CEP41: variants seen among roughly 807,000 people sequenced by gnomAD.
The protein encoded by CEP41 is centrosomal protein of 41 kDa.
CEP41 carries 32 observed loss-of-function variants against 44.3 expected under a neutral mutation model. The observed-to-expected ratio is 0.72, with a 90% confidence interval of 0.54 to 0.97. CEP41 has a LOEUF of 0.97. Among genes scored for constraint, CEP41 ranks in the 50% least tolerant of loss-of-function variants. The probability of loss-of-function intolerance (pLI) is 0.00; values close to 1 mark genes in which losing one functional copy is unlikely to be tolerated. For missense variants in CEP41, 432 were observed against 455.2 expected, an observed-to-expected ratio of 0.95 and a Z score of 0.46; for synonymous variants, 151 against 168.5, an observed-to-expected ratio of 0.90 and a Z score of 0.80.
At chr7:130,440,004 G>A (rs2117732756) in intron 1 of CEP41, among the ~76,000 whole-genome samples, 1 of 152,184 alleles carries the variant, frequency 6.6e-6, no homozygotes, top group South Asian at 2.1e-4. Context: ...TCCTTCACTA[G>A]ACGCAATTTA....
At chr7:130,414,600 T>A (rs1554420489) in intron 3 of CEP41, among the ~76,000 whole-genome samples, 1 of 152,254 alleles carries the variant, frequency 6.6e-6, no homozygotes. Flanking sequence ...AAGACTGCTT[T>A]ATTCTAAAGA....
At position 130,402,645 on chromosome 7, in the gene CEP41, T is replaced by C. The variant is rs781913642; in HGVS notation, c.574+3A>G. 1.2e-6 allele frequency: 2 copies of C among 1,614,084 alleles called. No individual in the cohort carries two copies. Among genetic ancestry groups the C allele is most frequent in the Admixed American group, 3.3e-5 (2 of 60,020 alleles). On this transcript the variant is annotated splice_donor_region_variant and intron_variant, in intron 7 of 10. Transcript: ENST00000223208. ...AGGCACTTTAAAGCCTTCTCTCTCT[T>C]ACCTCCAACAATGTGGCACTGCTGG...
intron 1 of CEP41, among the ~76,000 whole-genome samples, chr7:130,431,738 A>G (rs73152886): frequency 0.021 from 3,167 of 152,210 alleles, 39 homozygotes; most frequent in Non-Finnish European, 0.031. Context: ...GTTTTCAGCA[A>G]TCTAACAGTA....
upstream of CEP41, chr7:130,441,082 C>T (rs782662733): frequency 7.4e-6 from 9 of 1,216,126 alleles, no homozygotes; most frequent in Admixed American, 5.5e-5. Flanking sequence ...TCCGATTGGC[C>T]CGTCTTCCCC....
intron 4 of CEP41, among the ~76,000 whole-genome samples, chr7:130,411,834 T>G (rs537213206): frequency 6.6e-6 from 1 of 152,324 alleles, no homozygotes; most frequent in African/African-American, 2.4e-5. Flanking sequence ...GGGAAATCAC[T>G]TGGTTTCCAG....
intron 7 of CEP41, among the ~76,000 whole-genome samples, 179 bp downstream of exon 7, chr7:130,402,469 T>G (rs554819890): frequency 6.6e-6 from 1 of 151,738 alleles, no homozygotes; most frequent in Admixed American, 6.6e-5. Context: ...TCTGTGAAAA[T>G]CAGCAGCCTC....
chr7:130,398,744 T>C lies in CEP41; in HGVS notation c.*147A>G, dbSNP rs782775605. Reference sequence around the variant, plus strand: ...GGTGGCCTCCTGAGGGGAGAGGAACTGGAGACAGGGACAGGGAAGAGGCCT... The same window carrying C: ...GGTGGCCTCCTGAGGGGAGAGGAACCGGAGACAGGGACAGGGAAGAGGCCT... On this transcript the variant is annotated 3_prime_UTR_variant, in exon 11 of 11. Coordinates refer to ENST00000223208, the MANE Select transcript of CEP41 (RefSeq NM_018718.3). 1 of 990,808 alleles carries C rather than the reference T, an allele frequency of 1.0e-6. No individual in the cohort carries two copies. Among genetic ancestry groups the C allele is most frequent in the South Asian group, 1.3e-5 (1 of 78,186 alleles). 61.4% of individuals were successfully genotyped at this position (990,808 alleles called of 1,614,324 possible).
intron 5 of CEP41, among the ~76,000 whole-genome samples, chr7:130,406,992 A>G (rs1168670636): frequency 3.3e-5 from 5 of 151,724 alleles, no homozygotes; most frequent in African/African-American, 1.2e-4. Context: ...TAAAAAATAT[A>G]TATATATACT....
At chr7:130,421,894 AAG>A (rs1313705997) in intron 2 of CEP41, 25 of 1,527,948 alleles carry the variant, frequency 1.6e-5, no homozygotes, top group African/African-American at 6.9e-5. Flanking sequence ...GAGAATATAC[AAG>A]AACCCTGCGG....
At chr7:130,441,565 C>G (rs1473599636), upstream of CEP41, among the ~76,000 whole-genome samples, 3 of 152,214 alleles carry the variant, frequency 2.0e-5, no homozygotes, top group African/African-American at 7.2e-5. Context: ...GCTTTAAAAG[C>G]TTTTAGGCTA....
intron 1 of CEP41, among the ~76,000 whole-genome samples, chr7:130,436,601 T>C (rs1299868998): frequency 9.5e-6 from 1 of 104,928 alleles, no homozygotes; most frequent in South Asian, 3.2e-4. Flanking sequence ...AATATAATCA[T>C]TGGGGAAAAT....
Position 130,396,631 on chromosome 7 carries a change from G to A in CEP41, c.*2260C>T, listed in dbSNP as rs1340655876. On this transcript the variant is annotated 3_prime_UTR_variant, in exon 11 of 11. Coordinates refer to ENST00000223208, the MANE Select transcript of CEP41 (RefSeq NM_018718.3). ...GTCAATTAATCTAATGAAGAAACTG[G>A]CAAAGTAGAATGTTAAAAGCAATAC... 2.2e-6 allele frequency: 1 copy of A among 454,482 alleles called. No homozygotes were observed. The highest frequency in any genetic ancestry group is 1.6e-5 in the South Asian group (1 of 64,472). The allele number at this position is 454,482 out of a possible 1,614,324, so 28.2% of individuals were successfully genotyped here. A position where few individuals can be genotyped will look rare whatever the true frequency, so the allele number is the denominator to read the frequency against.
intron 1 of CEP41, among the ~76,000 whole-genome samples, chr7:130,428,911 A>C (rs1797744269): frequency 6.7e-6 from 1 of 148,524 alleles, no homozygotes. Flanking sequence ...ACTCTGTCTC[A>C]AAAAAATAAA....
At chr7:130,433,692 T>C (rs1554425605) in intron 1 of CEP41, among the ~76,000 whole-genome samples, 1 of 152,230 alleles carries the variant, frequency 6.6e-6, no homozygotes, top group Non-Finnish European at 1.5e-5. Context: ...GGCAAACTTA[T>C]CTTCTGGGAA....
chr7:130,416,668 T>C (rs1273777984), intron 3 of CEP41, among the ~76,000 whole-genome samples: 2 of 152,360 alleles, frequency 1.3e-5, no homozygotes, highest in East Asian at 3.9e-4. Context: ...CAGATCTGAC[T>C]CTGCAGGCCA....
At chr7:130,427,580 T>A (rs932647914) in intron 2 of CEP41, among the ~76,000 whole-genome samples, 1 of 152,346 alleles carries the variant, frequency 6.6e-6, no homozygotes, top group South Asian at 2.1e-4. Flanking sequence ...TGAACAAATA[T>A]GCATGTGTCT....
At chr7:130,429,320 G>A (rs2117681385) in intron 1 of CEP41, among the ~76,000 whole-genome samples, 1 of 152,086 alleles carries the variant, frequency 6.6e-6, no homozygotes, top group South Asian at 2.1e-4. Context: ...TTTAGGGTCA[G>A]CAAAAATGCA....
intron 10 of CEP41, 111 bp downstream of exon 10, chr7:130,399,928 A>C: frequency 1.2e-6 from 1 of 865,914 alleles, no homozygotes; most frequent in Non-Finnish European, 2.0e-6. Flanking sequence ...CCTGTAACAT[A>C]CCTCCCTAGT....
In CEP41 at chr7:130,397,127, C is replaced by G. The variant is rs571068938; in HGVS notation, c.*1764G>C. The G allele has an allele frequency of 4.4e-6, 2 of 454,438 alleles. No homozygotes were observed. Among genetic ancestry groups the G allele is most frequent in the East Asian group, 1.4e-4 (2 of 14,400 alleles). The allele number at this position is 454,438 out of a possible 1,614,324, so 28.2% of individuals were successfully genotyped here. On this transcript the variant is annotated 3_prime_UTR_variant, in exon 11 of 11. Coordinates refer to ENST00000223208, the MANE Select transcript of CEP41 (RefSeq NM_018718.3). ...TGTGGAAAAATGTGCATTTTTCTAT[C>G]TATGCTGTAAAGAAAATACAAAGCC...
Sources: allele counts gnomAD v4.1 joint callset (sites outside exome capture counted in the v4.1 genomes callset), GRCh38; gene constraint gnomAD v4.1.1; transcripts MANE v1.5; gene names NCBI Gene and HGNC (gene_info 2026-07-23, HGNC 2026-07-21).